VAV3: variants seen among roughly 807,000 people sequenced by gnomAD.
The protein encoded by VAV3 is vav guanine nucleotide exchange factor 3, also known as guanine nucleotide exchange factor VAV3.
A neutral mutation model predicts 131.2 loss-of-function variants in VAV3; 94 were observed. That is an observed-to-expected ratio of 0.72 (90% CI 0.61 to 0.85). The LOEUF (loss-of-function observed/expected upper bound fraction) is 0.85. VAV3 is among the 40% of genes least tolerant of loss of function. The pLI, the probability that VAV3 is intolerant of heterozygous loss-of-function variation, is 0.00. For missense variants in VAV3, 939 were observed against 1,002.7 expected, an observed-to-expected ratio of 0.94 and a Z score of 0.86; for synonymous variants, 349 against 342.0, an observed-to-expected ratio of 1.02 and a Z score of -0.22.
intron 2 of VAV3, among the ~76,000 whole-genome samples, chr1:107,866,151 T>G (rs1181565488): frequency 3.3e-5 from 5 of 152,162 alleles, no homozygotes; most frequent in African/African-American, 1.2e-4. Flanking sequence ...CCTCAGTGTC[T>G]GCTTGGGTCT....
chr1:107,656,394 T>A (rs1484412455), intron 19 of VAV3, among the ~76,000 whole-genome samples: 1 of 152,130 alleles, frequency 6.6e-6, no homozygotes, highest in African/African-American at 2.4e-5. Flanking sequence ...TTCTCCCTCC[T>A]ATGTGAGAGC....
rs191987311 is a variant in VAV3 at position 107,746,376 on chromosome 1, A to G, written c.1502+2592T>C. Among the ~76,000 whole-genome samples the G allele has an allele frequency of 6.5e-3, 983 of 152,320 alleles. 11 individuals are homozygous for G. Among genetic ancestry groups the G allele is most frequent in the Middle Eastern group, 0.058 (17 of 294 alleles). On this transcript the variant is annotated intron_variant, in intron 15 of 26. Transcript: ENST00000370056. Reference sequence around the variant, plus strand: ...CTCCCAATATCTGCATAGACATTCAACGGAACTCTAAAACAACAAAAACTA... The same window carrying G: ...CTCCCAATATCTGCATAGACATTCAGCGGAACTCTAAAACAACAAAAACTA...
At chr1:107,672,513 A>C (rs1342962796) in intron 19 of VAV3, among the ~76,000 whole-genome samples, 2 of 151,962 alleles carry the variant, frequency 1.3e-5, no homozygotes, top group African/African-American at 4.8e-5. Flanking sequence ...TTCTAAGCAT[A>C]AAAGCAGTAA....
At chr1:107,587,926 A>G (rs1570566838) in intron 25 of VAV3, among the ~76,000 whole-genome samples, 1 of 152,196 alleles carries the variant, frequency 6.6e-6, no homozygotes, top group East Asian at 1.9e-4. Flanking sequence ...ATGAGGTTAT[A>G]TGAGACACTA....
At chr1:107,956,104 C>T (rs904247973) in intron 1 of VAV3, among the ~76,000 whole-genome samples, 1 of 152,176 alleles carries the variant, frequency 6.6e-6, no homozygotes, top group Non-Finnish European at 1.5e-5. Flanking sequence ...GCCAGGAGCA[C>T]TGTTAACTCA....
intron 19 of VAV3, among the ~76,000 whole-genome samples, chr1:107,649,585 C>T (rs1218254649): frequency 6.6e-6 from 1 of 151,900 alleles, no homozygotes; most frequent in Non-Finnish European, 1.5e-5. Context: ...TTGTTAACCT[C>T]CTACCATAAA....
chr1:107,585,925 C>T (rs1650450778), intron 25 of VAV3, among the ~76,000 whole-genome samples: 1 of 152,184 alleles, frequency 6.6e-6, no homozygotes, highest in Admixed American at 6.5e-5. Flanking sequence ...CCTGGTCACA[C>T]AAGTGGCCTG....
intron 15 of VAV3, among the ~76,000 whole-genome samples, chr1:107,706,344 G>A (rs1315586510): frequency 1.3e-5 from 2 of 152,146 alleles, no homozygotes; most frequent in African/African-American, 4.8e-5. Context: ...CATTCGCAAA[G>A]GCAATTGGAG....
chr1:107,610,024 A>G lies in VAV3; in HGVS notation c.1981-59T>C. 4 of 1,533,654 alleles carry G rather than the reference A, an allele frequency of 2.6e-6. No individual in the cohort carries two copies. The South Asian group carries it at 4.5e-5, about 17-fold the overall frequency. ...TACATAAGGGAAGCTTTTAGAAATC[A>G]ATCATTAATTCAGTTCAGCTGACTC... On this transcript the variant is annotated intron_variant, in intron 21 of 26. Coordinates refer to ENST00000370056, the MANE Select transcript of VAV3 (RefSeq NM_006113.5).
intron 23 of VAV3, 66 bp from the exon 24 acceptor site, chr1:107,602,550 G>A (rs1490812020): frequency 1.6e-6 from 2 of 1,245,402 alleles, no homozygotes; most frequent in African/African-American, 1.6e-5. Flanking sequence ...ATAATTACCA[G>A]AGGGCATGCC....
intron 1 of VAV3, among the ~76,000 whole-genome samples, chr1:107,886,872 G>T (rs1040436303): frequency 2.6e-5 from 4 of 151,868 alleles, no homozygotes; most frequent in Non-Finnish European, 5.9e-5. Flanking sequence ...ACCTGCATTT[G>T]CCATGGGAAA....
chr1:107,574,333 G>A, intron 25 of VAV3, 135 bp from the exon 26 acceptor site: 1 of 1,084,910 alleles, frequency 9.2e-7, no homozygotes, highest in South Asian at 2.2e-5. Flanking sequence ...AATGGCAGAG[G>A]AGCTTGAAAG....
chr1:107,868,153 C>T (rs1262219533), intron 2 of VAV3, among the ~76,000 whole-genome samples: 1 of 152,126 alleles, frequency 6.6e-6, no homozygotes, highest in African/African-American at 2.4e-5. Flanking sequence ...TGAAGCAAGG[C>T]TGATTTAAGT....
At chr1:107,722,616 T>C (rs1157385400) in intron 15 of VAV3, among the ~76,000 whole-genome samples, 2 of 152,026 alleles carry the variant, frequency 1.3e-5, no homozygotes, top group East Asian at 1.9e-4. Context: ...AGAATACAAA[T>C]GGAATTGATG....
At chr1:107,598,870 T>C (rs1231198077) in intron 24 of VAV3, among the ~76,000 whole-genome samples, 1 of 151,906 alleles carries the variant, frequency 6.6e-6, no homozygotes, top group African/African-American at 2.4e-5. Flanking sequence ...TTTCTCCTAG[T>C]CTTATTACTT....
At chr1:107,909,226 G>A (rs1672252270) in intron 1 of VAV3, among the ~76,000 whole-genome samples, 1 of 152,108 alleles carries the variant, frequency 6.6e-6, no homozygotes, top group South Asian at 2.1e-4. Flanking sequence ...AAAGAGCTAT[G>A]GTGCTGATTA....
chr1:107,611,605 AAAAC>A (rs1429599395), intron 21 of VAV3, among the ~76,000 whole-genome samples: 3 of 144,122 alleles, frequency 2.1e-5, no homozygotes, highest in African/African-American at 7.5e-5. Flanking sequence ...CCAAAAAAAA[AAAAC>A]AAACAAACAA....
rs144613660 is a variant in VAV3 at position 107,875,250 on chromosome 1, G to A, written c.205-233C>T. On this transcript the variant is annotated intron_variant, in intron 1 of 26. Coordinates refer to ENST00000370056, the MANE Select transcript of VAV3 (RefSeq NM_006113.5). The stretch of plus-strand genomic sequence containing the variant: ...CCTCATGAAACTTACATTCTAATAT[G>A]AAAAGACAGACAAAACAGACAAAGC... Among the ~76,000 whole-genome samples, 563 of 152,218 alleles carry A rather than the reference G, an allele frequency of 3.7e-3. 2 individuals carry two copies. Among genetic ancestry groups the A allele is most frequent in the African/African-American group, 8.6e-3 (358 of 41,526 alleles).
At chr1:107,686,100 A>G (rs992749785) in intron 18 of VAV3, 3 of 151,652 alleles carry the variant, frequency 2.0e-5, no homozygotes, top group Admixed American at 1.3e-4. Flanking sequence ...TTCTTGCCTC[A>G]TTACCATTGC....
Sources: allele counts gnomAD v4.1 joint callset (sites outside exome capture counted in the v4.1 genomes callset), GRCh38; gene constraint gnomAD v4.1.1; transcripts MANE v1.5; gene names NCBI Gene and HGNC (gene_info 2026-07-23, HGNC 2026-07-21).